The following LHFPL3 variants were observed in gnomAD, a reference collection of about 807,000 sequenced individuals.
The protein encoded by LHFPL3 is LHFPL tetraspan subfamily member 3.
Under a neutral mutation model 19.3 loss-of-function variants are expected in LHFPL3, and 5 were observed. That is an observed-to-expected ratio of 0.26 (90% CI 0.14 to 0.54). The LOEUF is 0.54. LHFPL3 is among the 20% of genes least tolerant of loss of function. The probability of loss-of-function intolerance (pLI) is 0.94; values close to 1 mark genes in which losing one functional copy is unlikely to be tolerated. For missense variants in LHFPL3, 249 were observed against 307.4 expected (o/e 0.81, Z 1.42); for synonymous variants, 133 against 126.2 (o/e 1.05, Z -0.36).
intron 1 of LHFPL3, among the ~76,000 whole-genome samples, chr7:104,695,263 G>A (rs371686828): frequency 5.9e-5 from 9 of 152,202 alleles, no homozygotes; most frequent in African/African-American, 1.7e-4. Context: ...CATGCACCAG[G>A]CCAATTTGTC....
chr7:104,779,503 T>A (rs907663829), intron 2 of LHFPL3, among the ~76,000 whole-genome samples: 1 of 152,100 alleles, frequency 6.6e-6, no homozygotes, highest in African/African-American at 2.4e-5. Context: ...GGATGCCTCT[T>A]GGTTAGATCT....
intron 1 of LHFPL3, among the ~76,000 whole-genome samples, chr7:104,681,154 CTTTT>C (rs35342944): frequency 7.5e-6 from 1 of 132,624 alleles, no homozygotes; most frequent in Admixed American, 7.7e-5. Context: ...TTCTTTTCTT[CTTTT>C]TTTTTTTTTT....
intron 1 of LHFPL3, among the ~76,000 whole-genome samples, chr7:104,456,491 A>G (rs376225791): frequency 1.3e-5 from 2 of 152,200 alleles, no homozygotes; most frequent in Admixed American, 6.5e-5. Context: ...ACCAAACCCA[A>G]TATAAACTGT....
chr7:104,867,086 G>C (rs1791739143), intron 2 of LHFPL3, among the ~76,000 whole-genome samples: 1 of 152,176 alleles, frequency 6.6e-6, no homozygotes, highest in African/African-American at 2.4e-5. Flanking sequence ...AGTGTGTAGA[G>C]GGAAATTTAT....
rs561975535 is a variant in LHFPL3 at position 104,408,864 on chromosome 7, C to CTTTTTTTTTTTTTTTTTTTT, written c.445+79658_445+79659insTTTTTTTTTTTTTTTTTTTT. Reference sequence around the variant, plus strand: ...AGGCACTAGTGTTGTAATTTTCTTTCTTTTTTTTTTTTTTTTTTGAGACGG... The same window carrying CTTTTTTTTTTTTTTTTTTTT: ...AGGCACTAGTGTTGTAATTTTCTTTCTTTTTTTTTTTTTTTTTTTTTTTTTTTTTTTTTTTTTTGAGACGG... On this transcript the variant is annotated intron_variant, in intron 1 of 2. Coordinates refer to ENST00000424859, the MANE Select transcript of LHFPL3 (RefSeq NM_199000.3). 5.7e-5 allele frequency among the ~76,000 whole-genome samples: 6 copies of CTTTTTTTTTTTTTTTTTTTT among 105,436 alleles called. 1 individual carries two copies. The highest frequency in any genetic ancestry group is 3.2e-4 in the South Asian group (1 of 3,124). 69.2% of individuals were successfully genotyped at this position (105,436 alleles called of 152,430 possible).
intron 1 of LHFPL3, among the ~76,000 whole-genome samples, chr7:104,551,393 C>T (rs1162183574): frequency 6.6e-6 from 1 of 152,022 alleles, no homozygotes; most frequent in Non-Finnish European, 1.5e-5. Context: ...GCTTGGTTTG[C>T]AGGCAGGATC....
chr7:104,795,074 A>C (rs1017813603), intron 2 of LHFPL3, among the ~76,000 whole-genome samples: 2 of 152,178 alleles, frequency 1.3e-5, no homozygotes, highest in African/African-American at 4.8e-5. Context: ...CCTAGAAACA[A>C]GTCACCTGAT....
chr7:104,605,119 T>C (rs1791067777), intron 1 of LHFPL3, among the ~76,000 whole-genome samples: 2 of 152,212 alleles, frequency 1.3e-5, no homozygotes, highest in African/African-American at 4.8e-5. Context: ...TAGGTTTATG[T>C]AGTCTAAACA....
chr7:104,422,355 T>C lies in LHFPL3; in HGVS notation c.445+93131T>C, dbSNP rs141015001. On this transcript the variant is annotated intron_variant, in intron 1 of 2. Coordinates refer to ENST00000424859, the MANE Select transcript of LHFPL3 (RefSeq NM_199000.3). ...CAGCCTGGGTGACAGAGCAAGACTC[T>C]GTCTCAAAACAACAACAACAACAAC... 8.2e-3 allele frequency among the ~76,000 whole-genome samples: 1,153 copies of C among 140,762 alleles called. 77 individuals are homozygous for C. The East Asian group carries it at 0.17, about 21-fold the overall frequency. 92.3% of individuals were successfully genotyped at this position (140,762 alleles called of 152,430 possible).
At chr7:104,654,399 A>AGT (rs1792087228) in intron 1 of LHFPL3, among the ~76,000 whole-genome samples, 2 of 152,334 alleles carry the variant, frequency 1.3e-5, no homozygotes, top group African/African-American at 4.8e-5. Context: ...TCCTACATCT[A>AGT]GTACTCTTTG....
At chr7:104,875,011 G>C (rs1341272622) in intron 2 of LHFPL3, among the ~76,000 whole-genome samples, 1 of 149,296 alleles carries the variant, frequency 6.7e-6, no homozygotes, top group Admixed American at 6.7e-5. Flanking sequence ...CACACCTGGG[G>C]AATGTATTTT....
At chr7:104,714,984 C>CAG (rs138444744) in intron 1 of LHFPL3, among the ~76,000 whole-genome samples, 63 of 149,478 alleles carry the variant, frequency 4.2e-4, no homozygotes, top group Middle Eastern at 6.9e-3. Context: ...TGTATATACA[C>CAG]AGAGAGAGAG....
rs1304167600 is a variant in LHFPL3 at position 104,603,820 on chromosome 7, C to A, written c.446-132855C>A. ...AACATTAAGTCTTAAAGTCCTTTGA[C>A]TCTATGCCCCACATGCTGGGCACAC... On this transcript the variant is annotated intron_variant, in intron 1 of 2. Transcript: ENST00000424859. Among the ~76,000 whole-genome samples the A allele has an allele frequency of 9.8e-5, 15 of 152,362 alleles. No individual in the cohort carries two copies. In the South Asian group the frequency reaches 2.1e-3, roughly 21 times the overall value.
chr7:104,519,260 G>A (rs1365891054), intron 1 of LHFPL3, among the ~76,000 whole-genome samples: 4 of 152,128 alleles, frequency 2.6e-5, no homozygotes, highest in Non-Finnish European at 5.9e-5. Context: ...AGGGAAGCAG[G>A]GAGGTTTCAG....
chr7:104,861,760 T>C (rs987906508), intron 2 of LHFPL3, among the ~76,000 whole-genome samples: 4 of 152,048 alleles, frequency 2.6e-5, no homozygotes, highest in South Asian at 2.1e-4. Context: ...AAACGCACAC[T>C]TGGAGAACCT....
chr7:104,672,778 C>T (rs1792510174), intron 1 of LHFPL3, among the ~76,000 whole-genome samples: 1 of 152,166 alleles, frequency 6.6e-6, no homozygotes, highest in African/African-American at 2.4e-5. Context: ...TTGTAGAGTT[C>T]CTGCTGTTTT....
intron 1 of LHFPL3, among the ~76,000 whole-genome samples, chr7:104,594,984 G>T (rs962967951): frequency 6.6e-6 from 1 of 152,132 alleles, no homozygotes; most frequent in Admixed American, 6.5e-5. Flanking sequence ...GGGTTCAAAC[G>T]TCCTCTTTTA....
At chr7:104,596,138 A>T (rs749874677) in intron 1 of LHFPL3, among the ~76,000 whole-genome samples, 9 of 152,260 alleles carry the variant, frequency 5.9e-5, no homozygotes, top group Non-Finnish European at 1.2e-4. Context: ...CCCGTCTTCC[A>T]TGTTGATCAC....
At chr7:104,606,501 G>T (rs186521341) in intron 1 of LHFPL3, among the ~76,000 whole-genome samples, 1 of 152,048 alleles carries the variant, frequency 6.6e-6, no homozygotes, top group African/African-American at 2.4e-5. Context: ...CTTAGGTTTC[G>T]GTAAAAAGGT....
Sources: allele counts gnomAD v4.1 joint callset (sites outside exome capture counted in the v4.1 genomes callset), GRCh38; gene constraint gnomAD v4.1.1; transcripts MANE v1.5; gene names NCBI Gene and HGNC (gene_info 2026-07-23, HGNC 2026-07-21).